Variants in KLC1 observed in about 807,000 individuals in gnomAD.
KLC1 encodes the protein kinesin 2 60/70kDa.
Under a neutral mutation model 84.2 loss-of-function variants are expected in KLC1, and 30 were observed. The observed-to-expected ratio is 0.36, with a 90% CI of 0.27 to 0.48. The LOEUF is 0.48. Ranked by LOEUF, KLC1 falls within the 20% of genes least tolerant of loss-of-function variation. The pLI, the probability that KLC1 is intolerant of heterozygous loss-of-function variation, is 0.99. For synonymous variants in KLC1, 289 were observed against 293.3 expected, an observed-to-expected ratio of 0.99 and a Z score of 0.15; for missense variants, 499 against 805.4, an observed-to-expected ratio of 0.62 and a Z score of 4.60.
rs894669594 is a variant in KLC1 at position 103,698,695 on chromosome 14, C to T, written c.1849-1960C>T. 6.4e-6 allele frequency: 7 copies of T among 1,091,898 alleles called. No homozygotes were observed. The Admixed American group carries it at 1.0e-4, about 16-fold the overall frequency. The allele number at this position is 1,091,898 out of a possible 1,614,324, so 67.6% of individuals were successfully genotyped here. A position where few individuals can be genotyped will look rare whatever the true frequency, so the allele number is the denominator to read the frequency against. Reference sequence around the variant, plus strand: ...CTGCCCTGGAAGAGCTGTGTCTGAACCAGGCTCCCAGCTGTGCCACGGCCC... The same window carrying T: ...CTGCCCTGGAAGAGCTGTGTCTGAATCAGGCTCCCAGCTGTGCCACGGCCC... On this transcript the variant is annotated intron_variant, in intron 15 of 16. Coordinates refer to ENST00000334553, the MANE Select transcript of KLC1 (RefSeq NM_001394837.1).
intron 14 of KLC1, among the ~76,000 whole-genome samples, chr14:103,689,193 T>C (rs771443712): frequency 9.2e-5 from 14 of 152,158 alleles, no homozygotes; most frequent in Admixed American, 2.6e-4. Context: ...CACTGATTGT[T>C]TGAGGTTCTT....
At chr14:103,695,992 C>G in intron 15 of KLC1, 2 of 985,348 alleles carry the variant, frequency 2.0e-6, no homozygotes, top group Non-Finnish European at 2.4e-6. Flanking sequence ...AGTGGTGGGC[C>G]CAGGCATCCC....
chr14:103,663,626 G>A (rs1017095283), intron 5 of KLC1, among the ~76,000 whole-genome samples: 1 of 152,152 alleles, frequency 6.6e-6, no homozygotes, highest in Admixed American at 6.5e-5. Context: ...TTTGGAATCC[G>A]GGATTCAACT....
chr14:103,636,962 C>T (rs184982139), intron 1 of KLC1, among the ~76,000 whole-genome samples: 81 of 149,964 alleles, frequency 5.4e-4, no homozygotes, highest in Non-Finnish European at 1.0e-3. Flanking sequence ...ATCTCCTGAC[C>T]TCGTGATCCG....
intron 1 of KLC1, among the ~76,000 whole-genome samples, chr14:103,633,415 T>TG (rs979598919): frequency 6.6e-6 from 1 of 151,928 alleles, no homozygotes; most frequent in Non-Finnish European, 1.5e-5. Flanking sequence ...TAGGCAGTGG[T>TG]GGGGCAGGTG....
intron 1 of KLC1, among the ~76,000 whole-genome samples, chr14:103,647,615 C>T (rs577771666): frequency 5.9e-5 from 9 of 151,978 alleles, no homozygotes; most frequent in African/African-American, 1.9e-4. Flanking sequence ...TGGTGGCTCA[C>T]GCCTGTAATC....
At chr14:103,682,749 A>ATT (rs966775675) in intron 13 of KLC1, 5 of 150,366 alleles carry the variant, frequency 3.3e-5, no homozygotes, top group African/African-American at 9.7e-5. Flanking sequence ...TGTGATTTCA[A>ATT]TTATATATAT....
At chr14:103,644,997 G>T (rs2151390115) in intron 1 of KLC1, among the ~76,000 whole-genome samples, 1 of 149,730 alleles carries the variant, frequency 6.7e-6, no homozygotes, top group East Asian at 2.0e-4. Context: ...CTTTTTCTTT[G>T]AGTTTCTTTC....
At chr14:103,633,795 A>C (rs900949882) in intron 1 of KLC1, among the ~76,000 whole-genome samples, 2 of 150,834 alleles carry the variant, frequency 1.3e-5, no homozygotes, top group Non-Finnish European at 3.0e-5. Flanking sequence ...TTCCCCACAT[A>C]CTCCTTAGCC....
rs190743194 is a variant in KLC1, at chr14:103,636,051, A to T, written c.-2+6557A>T. 6.9e-3 allele frequency among the ~76,000 whole-genome samples: 1,048 copies of T among 152,238 alleles called. 4 individuals carry two copies. Among genetic ancestry groups the T allele is most frequent in the Non-Finnish European group, 0.011 (727 of 68,016 alleles). ...CCATTTTAACCATTTAAAAGTTCAC[A>T]ATTCAGTAGTGTTAAGGATATGCAC... On this transcript the variant is annotated intron_variant, in intron 1 of 16. Transcript: ENST00000334553.
rs759681225 is a variant in KLC1, at chr14:103,662,727, C to T, written c.597C>T (p.Ala199=). The T allele has an allele frequency of 8.7e-6, 14 of 1,602,264 alleles. No homozygotes were observed. In the East Asian group the frequency reaches 9.0e-5, roughly 10 times the overall value. Residue 199 remains alanine, a synonymous_variant, in exon 5 of 17, where the codon GCC becomes GCT. Coordinates refer to ENST00000334553, the MANE Select transcript of KLC1 (RefSeq NM_001394837.1). The part of the protein sequence containing the change: ...QGIQQQHSSA[A]AAAQQGGYEI... ...TCCAGCAGCAGCACAGCAGTGCAGC[C>T]GCGGCTGCCCAGCAGGGCGGCTACG...
At chr14:103,667,071 G>T (rs746130397) in intron 5 of KLC1, among the ~76,000 whole-genome samples, 12 of 152,078 alleles carry the variant, frequency 7.9e-5, no homozygotes, top group Non-Finnish European at 1.6e-4. Context: ...GAGCCACCAT[G>T]TCCGGCCTCA....
At position 103,699,615 on chromosome 14, in the gene KLC1, G is replaced by A. The variant is rs777673068; in HGVS notation, c.1849-1040G>A. The A allele has an allele frequency of 3.1e-6, 5 of 1,607,180 alleles. No homozygotes were observed. The Admixed American group carries it at 8.3e-5, about 27-fold the overall frequency. ...TGTCATTGTCTATGCTGGTCAGCAA[G>A]TCCCCGCCCCAGGTGACCAGACCCC... On this transcript the variant is annotated intron_variant, in intron 15 of 16. Coordinates refer to ENST00000334553, the MANE Select transcript of KLC1 (RefSeq NM_001394837.1).
chr14:103,634,389 A>C (rs1424873773), intron 1 of KLC1, among the ~76,000 whole-genome samples: 1 of 151,544 alleles, frequency 6.6e-6, no homozygotes, highest in Non-Finnish European at 1.5e-5. Flanking sequence ...AAGGAGGGAA[A>C]ATGGGAGAAG....
intron 13 of KLC1, chr14:103,685,263 G>A: frequency 7.2e-7 from 1 of 1,380,798 alleles, no homozygotes. Context: ...AGTCATACCT[G>A]TAGCCTTTAT....
intron 9 of KLC1, 27 bp downstream of exon 9, chr14:103,673,458 G>A (rs1397593868): frequency 7.3e-7 from 1 of 1,365,880 alleles, no homozygotes; most frequent in Non-Finnish European, 1.0e-6. Context: ...CGTTTCAAGT[G>A]AATTTAATTG....
chr14:103,698,935 G>C, intron 15 of KLC1: 1 of 1,600,684 alleles, frequency 6.2e-7, no homozygotes. Context: ...TCTTCCTCGC[G>C]GAGCCGGTCA....
intron 15 of KLC1, chr14:103,695,490 C>T: frequency 3.0e-6 from 3 of 985,314 alleles, no homozygotes; most frequent in African/African-American, 1.7e-5. Flanking sequence ...TGTCTGTGCA[C>T]AGGCGACAGG....
chr14:103,662,087 T>A, intron 3 of KLC1, 29 bp from the exon 4 acceptor site: 1 of 1,509,252 alleles, frequency 6.6e-7, no homozygotes, highest in Non-Finnish European at 9.2e-7. Context: ...ACGTGTAAGA[T>A]GAAGTGTTGT....
Sources: gnomAD v4.1 joint callset for allele counts (sites outside exome capture counted in the v4.1 genomes callset) on GRCh38, gnomAD v4.1.1 for gene constraint, MANE v1.5 for transcripts, NCBI Gene and HGNC (gene_info 2026-07-23, HGNC 2026-07-21) for gene names.